DMD: variants seen among roughly 807,000 people sequenced by gnomAD.
DMD encodes dystrophin, also known as mutant dystrophin.
In DMD, 63 loss-of-function variants were observed where a neutral mutation model predicts 330.1. That is an observed-to-expected ratio of 0.19 (90% CI 0.16 to 0.24). The LOEUF is 0.24. Among genes scored for constraint, DMD ranks in the 10% least tolerant of loss-of-function variants. DMD has a pLI of 1.00. For missense variants in DMD, 3,344 were observed against 2,684.1 expected (o/e 1.25, Z -5.43); for synonymous variants, 1,223 against 959.8 (o/e 1.27, Z -5.07).
chrX:32,685,713 C>A (rs1223093911), intron 9 of DMD, among the ~76,000 whole-genome samples: 1 of 111,645 alleles, frequency 9.0e-6, no homozygotes, highest in Non-Finnish European at 1.9e-5. Context: ...AAAAGAGGAA[C>A]ATGACTTTAT....
At chrX:32,520,400 T>C (rs1030048045) in intron 17 of DMD, among the ~76,000 whole-genome samples, 1 of 112,207 alleles carries the variant, frequency 8.9e-6, no homozygotes, top group African/African-American at 3.2e-5. Flanking sequence ...TCTTAAAACA[T>C]TTTTATTTTT....
chrX:32,030,955 C>T (rs745972457), intron 44 of DMD, among the ~76,000 whole-genome samples: 2 of 111,825 alleles, frequency 1.8e-5, no homozygotes, highest in Non-Finnish European at 3.8e-5. Context: ...CTGGGCTCTA[C>T]TCTGTATACT....
chrX:32,069,542 G>C (rs1302769191), intron 44 of DMD, among the ~76,000 whole-genome samples: 1 of 111,874 alleles, frequency 8.9e-6, no homozygotes, highest in East Asian at 2.8e-4. Context: ...TCTATGTTAT[G>C]TAAGGGTTTT....
At chrX:32,574,611 A>AC (rs2052811861) in intron 13 of DMD, among the ~76,000 whole-genome samples, 1 of 111,730 alleles carries the variant, frequency 9.0e-6, no homozygotes, top group African/African-American at 3.2e-5. Flanking sequence ...TATAGCCTGA[A>AC]TTTTCAACTT....
At chrX:31,869,193 T>C (rs918087519) in intron 48 of DMD, among the ~76,000 whole-genome samples, 6 of 111,399 alleles carry the variant, frequency 5.4e-5, no homozygotes, top group African/African-American at 1.6e-4. Flanking sequence ...TAATCACACT[T>C]AAAATAGCCT....
chrX:32,506,829 T>A (rs977050614), intron 18 of DMD, among the ~76,000 whole-genome samples: 4 of 111,980 alleles, frequency 3.6e-5, no homozygotes, highest in African/African-American at 1.3e-4. Context: ...TTGAATTGTT[T>A]CCAGGAACGT....
intron 33 of DMD, among the ~76,000 whole-genome samples, chrX:32,383,896 A>G (rs890652459): frequency 6.4e-5 from 7 of 109,448 alleles, no homozygotes; most frequent in African/African-American, 2.3e-4. Context: ...TACTCTTGCA[A>G]TGATTTCGTA....
intron 44 of DMD, among the ~76,000 whole-genome samples, chrX:31,981,092 C>T (rs1489123175): frequency 8.9e-6 from 1 of 111,769 alleles, no homozygotes; most frequent in African/African-American, 3.3e-5. Flanking sequence ...TCAGGTTATA[C>T]AGGAACAGAC....
At chrX:32,177,226 C>G (rs189028098) in intron 44 of DMD, among the ~76,000 whole-genome samples, 1 of 111,959 alleles carries the variant, frequency 8.9e-6, no homozygotes, top group Admixed American at 9.5e-5. Context: ...TCTCTCTGAA[C>G]CATTCTCCAC....
intron 1 of DMD, among the ~76,000 whole-genome samples, chrX:33,097,776 C>T (rs1166247835): frequency 8.3e-5 from 9 of 108,567 alleles, no homozygotes; most frequent in South Asian, 4.1e-4. Context: ...CCACCACGCC[C>T]GGCTAATTTT....
chrX:32,194,685 G>A (rs1366958164), intron 44 of DMD, among the ~76,000 whole-genome samples: 1 of 111,587 alleles, frequency 9.0e-6, no homozygotes, highest in Non-Finnish European at 1.9e-5. Flanking sequence ...AGCATTCTGG[G>A]TCTAAGAACA....
At chrX:31,171,401 G>C (rs1298719379) in intron 73 of DMD, among the ~76,000 whole-genome samples, 1 of 111,672 alleles carries the variant, frequency 9.0e-6, no homozygotes, top group Non-Finnish European at 1.9e-5. Flanking sequence ...GCATGACTTT[G>C]TGTTGCCACA....
At chrX:32,387,700 T>C (rs1382278707) in intron 32 of DMD, among the ~76,000 whole-genome samples, 1 of 111,422 alleles carries the variant, frequency 9.0e-6, no homozygotes, top group Non-Finnish European at 1.9e-5. Context: ...TATTATTTAC[T>C]TCATTTTACT....
intron 1 of DMD, among the ~76,000 whole-genome samples, chrX:33,277,865 C>T (rs888306356): frequency 4.5e-5 from 5 of 111,103 alleles, no homozygotes; most frequent in African/African-American, 1.6e-4. Flanking sequence ...CTCAGCATTT[C>T]GAGAAGTCAA....
chrX:32,619,788 G>C (rs1260926853), intron 11 of DMD, among the ~76,000 whole-genome samples: 1 of 111,461 alleles, frequency 9.0e-6, no homozygotes, highest in Non-Finnish European at 1.9e-5. Flanking sequence ...CGATAGTGAA[G>C]GAGCCAGGAC....
chrX:31,904,643 A>T lies in DMD; in HGVS notation c.6912+24953T>A, dbSNP rs145119028. Among the ~76,000 whole-genome samples, 238 of 111,741 alleles carry T rather than the reference A, an allele frequency of 2.1e-3. 1 individual carries two copies. Among genetic ancestry groups the T allele is most frequent in the Middle Eastern group, 4.6e-3 (1 of 216 alleles). ...GCCATCAGCCAACAAGAAAAGGAAG[A>T]CTACAGTCCAATAACCCACATGGAA... On this transcript the variant is annotated intron_variant, in intron 47 of 78. Transcript: ENST00000357033.
rs764530139 is a variant in DMD, at chrX:32,426,599, C to A, written c.4071+11642G>T. Among the ~76,000 whole-genome samples the A allele has an allele frequency of 1.1e-3, 126 of 111,563 alleles. 1 individual carries two copies. Among genetic ancestry groups the A allele is most frequent in the Non-Finnish European group, 1.6e-3 (84 of 53,024 alleles). ...AGCTAAAAACAGAACACAGCAACCC[C>A]ATTACCGGGTGTATAGCCAAAGGAA... On this transcript the variant is annotated intron_variant, in intron 29 of 78. Coordinates refer to ENST00000357033, the MANE Select transcript of DMD (RefSeq NM_004006.3).
chrX:32,395,438 G>GT (rs112815721), intron 30 of DMD, among the ~76,000 whole-genome samples: 1 of 104,003 alleles, frequency 9.6e-6, no homozygotes, highest in Non-Finnish European at 2.0e-5. Context: ...GGGGGGAGGG[G>GT]GGAGGGATAG....
intron 1 of DMD, among the ~76,000 whole-genome samples, chrX:33,087,019 G>A (rs779383483): frequency 9.0e-5 from 10 of 111,231 alleles, no homozygotes; most frequent in Non-Finnish European, 1.9e-4. Context: ...CAAATGTTAT[G>A]TTTGTTGCCA....
Sources: gnomAD v4.1 joint callset for allele counts (sites outside exome capture counted in the v4.1 genomes callset) on GRCh38, gnomAD v4.1.1 for gene constraint, MANE v1.5 for transcripts, NCBI Gene and HGNC (gene_info 2026-07-23, HGNC 2026-07-21) for gene names.